The following CHODL variants were observed in gnomAD, a reference collection of about 807,000 sequenced individuals.
The protein encoded by CHODL is transmembrane protein MT75.
A neutral mutation model predicts 34.5 loss-of-function variants in CHODL; 29 were observed. That is an observed-to-expected ratio of 0.84 (90% CI 0.63 to 1.15). The LOEUF (loss-of-function observed/expected upper bound fraction) is 1.15, where lower values mean the gene tolerates loss of function less well. Ranked by LOEUF, CHODL falls within the 50% of genes most tolerant of loss-of-function variation. The pLI, the probability that CHODL is intolerant of heterozygous loss-of-function variation, is 0.00. For synonymous variants in CHODL, 125 were observed against 116.1 expected (o/e 1.08, Z -0.49); for missense variants, 332 against 332.5 (o/e 1.00, Z 0.01).
intron 1 of CHODL, among the ~76,000 whole-genome samples, chr21:17,945,720 A>T (rs1268818914): frequency 6.6e-6 from 1 of 152,248 alleles, no homozygotes; most frequent in South Asian, 2.1e-4. Flanking sequence ...CTAATCTAGG[A>T]AAGATACCAA....
At position 17,966,503 on chromosome 21, in the gene CHODL, G is replaced by A. The variant is rs112022188; in HGVS notation, c.-145+49103G>A. ...ACCTAGATGGAAATGGATTGAGTCCGCACTTGTCTAGTTCTTATTTCCCAG... is the reference window on the plus strand; with the variant it reads ...ACCTAGATGGAAATGGATTGAGTCCACACTTGTCTAGTTCTTATTTCCCAG... On this transcript the variant is annotated intron_variant, in intron 1 of 6. Transcript: ENST00000400127. Among the ~76,000 whole-genome samples, 311 of 152,238 alleles carry A rather than the reference G, an allele frequency of 2.0e-3. 2 individuals carry two copies. The highest frequency in any genetic ancestry group is 6.9e-3 in the African/African-American group (288 of 41,548).
chr21:18,171,980 A>T (rs1357528611), intron 2 of CHODL, among the ~76,000 whole-genome samples: 1 of 152,120 alleles, frequency 6.6e-6, no homozygotes, highest in Non-Finnish European at 1.5e-5. Flanking sequence ...CTTAATCTTC[A>T]CTTTCTACCT....
At chr21:18,060,539 G>C (rs2064648385) in intron 2 of CHODL, among the ~76,000 whole-genome samples, 1 of 151,650 alleles carries the variant, frequency 6.6e-6, no homozygotes, top group African/African-American at 2.4e-5. Flanking sequence ...CTGGAAGCCT[G>C]GATATAGTAC....
At chr21:18,113,796 A>G (rs141445334) in intron 2 of CHODL, among the ~76,000 whole-genome samples, 15 of 152,286 alleles carry the variant, frequency 9.8e-5, no homozygotes, top group African/African-American at 3.1e-4. Context: ...CAGAGTATAT[A>G]CTCATAAGAA....
intron 2 of CHODL, among the ~76,000 whole-genome samples, chr21:18,119,532 T>C (rs754974559): frequency 6.6e-5 from 10 of 151,998 alleles, no homozygotes; most frequent in African/African-American, 9.7e-5. Context: ...GAGGGTACAA[T>C]TGGCTTAAGA....
chr21:18,192,477 G>A (rs574165541), intron 2 of CHODL, among the ~76,000 whole-genome samples: 2 of 152,190 alleles, frequency 1.3e-5, no homozygotes, highest in Admixed American at 6.5e-5. Context: ...CATAAGTTTC[G>A]CATGAAAGGC....
intron 1 of CHODL, among the ~76,000 whole-genome samples, chr21:18,248,665 G>GTA (rs1183892944): frequency 6.3e-4 from 60 of 94,872 alleles, no homozygotes; most frequent in African/African-American, 2.7e-3. Flanking sequence ...ACATATATAT[G>GTA]TATAATACAT....
chr21:18,138,990 G>C (rs981611466), intron 2 of CHODL, among the ~76,000 whole-genome samples: 2 of 151,836 alleles, frequency 1.3e-5, no homozygotes, highest in Admixed American at 6.6e-5. Context: ...AAATAGTTTG[G>C]GTAATATTAT....
At chr21:18,265,288 T>TACACAC (rs563361586) in intron 5 of CHODL, among the ~76,000 whole-genome samples, 31 of 139,942 alleles carry the variant, frequency 2.2e-4, no homozygotes, top group Admixed American at 1.5e-3. Flanking sequence ...TGTATATATA[T>TACACAC]ACACACACAC....
chr21:18,162,436 T>TC (rs1601089713), intron 2 of CHODL, among the ~76,000 whole-genome samples: 1 of 140,446 alleles, frequency 7.1e-6, no homozygotes, highest in Non-Finnish European at 1.6e-5. Context: ...TCTCTCTCTC[T>TC]TTCTCTTTCT....
intron 2 of CHODL, among the ~76,000 whole-genome samples, chr21:18,118,640 A>G (rs2065442170): frequency 6.6e-6 from 1 of 152,130 alleles, no homozygotes; most frequent in Non-Finnish European, 1.5e-5. Context: ...GGGACTGACA[A>G]TTCTATTCTA....
At chr21:18,146,186 C>T (rs2072886060) in intron 2 of CHODL, among the ~76,000 whole-genome samples, 1 of 150,016 alleles carries the variant, frequency 6.7e-6, no homozygotes, top group African/African-American at 2.5e-5. Flanking sequence ...ACCGTGTTAG[C>T]CAGGATGGTC....
intron 1 of CHODL, among the ~76,000 whole-genome samples, chr21:17,943,144 A>G (rs2063379207): frequency 6.6e-6 from 1 of 152,244 alleles, no homozygotes; most frequent in African/African-American, 2.4e-5. Flanking sequence ...ACAGACTAAT[A>G]TAGAAGATTT....
intron 2 of CHODL, among the ~76,000 whole-genome samples, chr21:18,165,290 A>G (rs2073139270): frequency 6.6e-6 from 1 of 152,204 alleles, no homozygotes; most frequent in Non-Finnish European, 1.5e-5. Flanking sequence ...GGTATTTTAT[A>G]TTTGTTTTTA....
chr21:18,203,927 T>C (rs1217152953), intron 2 of CHODL, among the ~76,000 whole-genome samples: 1 of 152,130 alleles, frequency 6.6e-6, no homozygotes, highest in African/African-American at 2.4e-5. Context: ...CTTAAGTGAT[T>C]CCCTCAAGGA....
At chr21:18,124,148 C>T (rs746088068) in intron 2 of CHODL, among the ~76,000 whole-genome samples, 1 of 152,174 alleles carries the variant, frequency 6.6e-6, no homozygotes, top group Non-Finnish European at 1.5e-5. Context: ...TCATGAATGA[C>T]CTTGCGTGGC....
chr21:18,117,735 AAATAAAT>A lies in CHODL; in HGVS notation c.-45+89767_-45+89773del, dbSNP rs1470816683. ...AATAAATAAATAAATAAGAAGAAAT[AAATAAAT>A]AAAACAATGAAATAGACATTTTAAA... On this transcript the variant is annotated intron_variant, in intron 2 of 6. Transcript: ENST00000400127. Among the ~76,000 whole-genome samples, 4 of 65,654 alleles carry A rather than the reference AAATAAAT, an allele frequency of 6.1e-5. No individual in the cohort carries two copies. In the Admixed American group the frequency reaches 9.4e-4, roughly 16 times the overall value. The allele number at this position is 65,654 out of a possible 152,430, so 43.1% of individuals were successfully genotyped here. A position where few individuals can be genotyped will look rare whatever the true frequency, so the allele number is the denominator to read the frequency against.
At chr21:18,041,501 T>C (rs1209411808) in intron 2 of CHODL, among the ~76,000 whole-genome samples, 1 of 151,948 alleles carries the variant, frequency 6.6e-6, no homozygotes, top group African/African-American at 2.4e-5. Flanking sequence ...TTTTATTACC[T>C]ACTGAAATAT....
chr21:18,009,228 G>C (rs1467601984), intron 1 of CHODL, among the ~76,000 whole-genome samples: 1 of 151,836 alleles, frequency 6.6e-6, no homozygotes, highest in Non-Finnish European at 1.5e-5. Context: ...ATATACTTTA[G>C]CCTATATAGC....
Sources: allele counts gnomAD v4.1 joint callset (sites outside exome capture counted in the v4.1 genomes callset), GRCh38; gene constraint gnomAD v4.1.1; transcripts MANE v1.5; gene names NCBI Gene and HGNC (gene_info 2026-07-23, HGNC 2026-07-21).